LRBA: variants seen among roughly 807,000 people sequenced by gnomAD.
LRBA encodes LPS responsive beige-like anchor protein.
A neutral mutation model predicts 330.0 loss-of-function variants in LRBA; 176 were observed. The observed-to-expected ratio is 0.53, with a 90% CI of 0.47 to 0.60. The LOEUF is 0.60. Among genes scored for constraint, LRBA ranks in the 20% least tolerant of loss-of-function variants. The pLI, the probability that LRBA is intolerant of heterozygous loss-of-function variation, is 0.00. For missense variants in LRBA, 3,259 were observed against 3,444.8 expected, an observed-to-expected ratio of 0.95 and a Z score of 1.35; for synonymous variants, 1,230 against 1,193.0, an observed-to-expected ratio of 1.03 and a Z score of -0.64.
chr4:150,472,033 C>A lies in LRBA; in HGVS notation c.6552-294G>T, dbSNP rs536927692. 3.9e-4 allele frequency among the ~76,000 whole-genome samples: 60 copies of A among 152,096 alleles called. 1 individual carries two copies. In the South Asian group the frequency reaches 0.011, roughly 28 times the overall value. On this transcript the variant is annotated intron_variant, in intron 42 of 56. Transcript: ENST00000651943. ...TAACAGTATAATTAATAATTCACTGCTTTAATGATATAAAAAGAAGAAATT... is the reference window on the plus strand; with the variant it reads ...TAACAGTATAATTAATAATTCACTGATTTAATGATATAAAAAGAAGAAATT...
rs558450758 is a variant in LRBA, at chr4:150,459,512, C to T, written c.6780+8161G>A. ...TGTGTGACCTCCCAGAATTCTTTAA[C>T]CTCACTAAATCTTAGTTTCCTTATC... is the stretch of plus-strand genomic sequence containing the variant. On this transcript the variant is annotated intron_variant, in intron 44 of 56. Coordinates refer to ENST00000651943, the MANE Select transcript of LRBA (RefSeq NM_001364905.1). 3.3e-5 allele frequency among the ~76,000 whole-genome samples: 5 copies of T among 152,036 alleles called. No individual in the cohort carries two copies. The East Asian group carries it at 7.7e-4, about 23-fold the overall frequency.
chr4:150,599,498 A>G (rs1773882347), intron 37 of LRBA, among the ~76,000 whole-genome samples: 1 of 152,194 alleles, frequency 6.6e-6, no homozygotes, highest in Non-Finnish European at 1.5e-5. Context: ...AGCTGCATTT[A>G]TAAACCAGAA....
chr4:150,300,619 A>C (rs539837845), intron 53 of LRBA, among the ~76,000 whole-genome samples: 34 of 151,788 alleles, frequency 2.2e-4, no homozygotes, highest in African/African-American at 7.0e-4. Flanking sequence ...TTTTTTTTTT[A>C]CTACAAACCC....
intron 47 of LRBA, among the ~76,000 whole-genome samples, chr4:150,361,040 A>G (rs1738611759): frequency 6.6e-6 from 1 of 152,216 alleles, no homozygotes; most frequent in African/African-American, 2.4e-5. Flanking sequence ...CCATATAGCC[A>G]TAGACCACAA....
chr4:150,671,366 T>C (rs1215078580), intron 37 of LRBA, among the ~76,000 whole-genome samples: 1 of 152,152 alleles, frequency 6.6e-6, no homozygotes, highest in Non-Finnish European at 1.5e-5. Context: ...GCTTCAAGAG[T>C]GTAGATGCTC....
intron 36 of LRBA, among the ~76,000 whole-genome samples, chr4:150,722,877 G>A (rs1222594931): frequency 1.3e-5 from 2 of 152,046 alleles, no homozygotes; most frequent in East Asian, 3.9e-4. Flanking sequence ...GCCATGCACT[G>A]CAGACAGAAA....
At chr4:150,459,164 T>C (rs527529710) in intron 44 of LRBA, among the ~76,000 whole-genome samples, 3 of 151,914 alleles carry the variant, frequency 2.0e-5, no homozygotes, top group Non-Finnish European at 2.9e-5. Flanking sequence ...TCTAATAGCA[T>C]GACAGCAGAA....
At chr4:150,941,819 G>A (rs1050645554) in intron 2 of LRBA, among the ~76,000 whole-genome samples, 40 of 151,810 alleles carry the variant, frequency 2.6e-4, no homozygotes, top group Admixed American at 7.2e-4. Flanking sequence ...CCTGGGAGGC[G>A]GAGGTTGCAG....
chr4:150,516,366 C>T (rs1484025058), intron 40 of LRBA, among the ~76,000 whole-genome samples: 1 of 151,466 alleles, frequency 6.6e-6, no homozygotes, highest in Non-Finnish European at 1.5e-5. Flanking sequence ...TTGTTCTTCC[C>T]ATGTGACTAC....
At chr4:150,742,862 C>A (rs949180404) in intron 35 of LRBA, among the ~76,000 whole-genome samples, 1 of 152,178 alleles carries the variant, frequency 6.6e-6, no homozygotes, top group African/African-American at 2.4e-5. Flanking sequence ...GGCATCACTG[C>A]ACTGCAGCCA....
chr4:151,001,103 G>A (rs540408659), intron 2 of LRBA, among the ~76,000 whole-genome samples: 1 of 152,290 alleles, frequency 6.6e-6, no homozygotes, highest in African/African-American at 2.4e-5. Flanking sequence ...ATCCCCCTAA[G>A]TCCTAAGCAG....
intron 35 of LRBA, among the ~76,000 whole-genome samples, chr4:150,756,077 G>A (rs1306713742): frequency 6.7e-6 from 1 of 149,896 alleles, no homozygotes; most frequent in Non-Finnish European, 1.5e-5. Context: ...AACTCTGATA[G>A]AGGATTTGCA....
intron 37 of LRBA, among the ~76,000 whole-genome samples, chr4:150,637,181 A>G (rs545834540): frequency 6.6e-6 from 1 of 152,298 alleles, no homozygotes; most frequent in African/African-American, 2.4e-5. Context: ...TCCTTCTAAA[A>G]AAAAAATCTA....
At chr4:150,935,442 C>T (rs1019315357) in intron 2 of LRBA, among the ~76,000 whole-genome samples, 4 of 151,952 alleles carry the variant, frequency 2.6e-5, no homozygotes, top group Non-Finnish European at 5.9e-5. Flanking sequence ...TTAAAACATA[C>T]ACAAGACTTG....
At chr4:150,363,902 C>T (rs1442294227) in intron 47 of LRBA, among the ~76,000 whole-genome samples, 1 of 152,186 alleles carries the variant, frequency 6.6e-6, no homozygotes, top group East Asian at 1.9e-4. Flanking sequence ...ACCATAGCCA[C>T]TTTACTTGGT....
At chr4:150,737,447 G>A (rs547527599) in intron 35 of LRBA, among the ~76,000 whole-genome samples, 11 of 151,884 alleles carry the variant, frequency 7.2e-5, no homozygotes, top group South Asian at 4.2e-4. Flanking sequence ...GTGACAGAGC[G>A]AGACTCCGAC....
chr4:150,325,957 C>T (rs1733202351), intron 48 of LRBA, 59 bp from the exon 49 acceptor site: 2 of 890,716 alleles, frequency 2.2e-6, no homozygotes, highest in South Asian at 1.4e-5. Context: ...GAAATAGAAC[C>T]CCAACTGTCA....
chr4:150,966,572 C>T (rs771662384), intron 2 of LRBA, among the ~76,000 whole-genome samples: 8 of 151,776 alleles, frequency 5.3e-5, no homozygotes, highest in African/African-American at 1.5e-4. Context: ...GTGATCCGCC[C>T]GCTTCGGCCT....
chr4:150,525,246 C>G (rs1763332263), intron 40 of LRBA, among the ~76,000 whole-genome samples: 2 of 151,394 alleles, frequency 1.3e-5, no homozygotes, highest in African/African-American at 2.4e-5. Context: ...TTATTTTATG[C>G]TGTTCCTATG....
Sources: allele counts gnomAD v4.1 joint callset (sites outside exome capture counted in the v4.1 genomes callset), GRCh38; gene constraint gnomAD v4.1.1; transcripts MANE v1.5; gene names NCBI Gene and HGNC (gene_info 2026-07-23, HGNC 2026-07-21).